ZC3H12B: variants seen among roughly 807,000 people sequenced by gnomAD.
ZC3H12B encodes the protein probable ribonuclease ZC3H12B.
ZC3H12B carries 7 observed loss-of-function variants against 43.9 expected under a neutral mutation model. The ratio of observed to expected loss-of-function variants is 0.16; its 90% CI spans 0.09 to 0.30. The LOEUF (loss-of-function observed/expected upper bound fraction) is 0.30, where lower values mean the gene tolerates loss of function less well. Among genes scored for constraint, ZC3H12B ranks in the 10% least tolerant of loss-of-function variants. The pLI is 1.00. For missense variants in ZC3H12B, 475 were observed against 670.2 expected (o/e 0.71, Z 3.22); for synonymous variants, 222 against 241.7 (o/e 0.92, Z 0.76).
chrX:65,337,357 A>G, the ZC3H12B span, among the ~76,000 whole-genome samples: 2 of 112,515 alleles, frequency 1.8e-5, no homozygotes, highest in Middle Eastern at 4.6e-3. Context: ...TCCATACAGT[A>G]AAGTGAAAGC....
At chrX:65,292,786 A>T in the ZC3H12B span, among the ~76,000 whole-genome samples, 1 of 110,912 alleles carries the variant, frequency 9.0e-6, no homozygotes, top group Non-Finnish European at 1.9e-5. Context: ...GGAGTTTGAG[A>T]CCAGCCTGAG....
At chrX:65,361,787 C>T (rs1431339563), upstream of ZC3H12B, among the ~76,000 whole-genome samples, 2 of 110,962 alleles carry the variant, frequency 1.8e-5, no homozygotes, top group African/African-American at 6.6e-5. Flanking sequence ...TCAAACCCCA[C>T]AACAGGACTT....
the ZC3H12B span, among the ~76,000 whole-genome samples, chrX:65,132,892 C>T: frequency 2.7e-5 from 3 of 111,403 alleles, no homozygotes; most frequent in Non-Finnish European, 3.8e-5. Context: ...GATTGGGCAG[C>T]GTCAGTCTTC....
At chrX:65,100,865 G>A in the ZC3H12B span, among the ~76,000 whole-genome samples, 20 of 111,147 alleles carry the variant, frequency 1.8e-4, no homozygotes, top group Admixed American at 1.4e-3. Flanking sequence ...GGCTATTCAG[G>A]ACTTGAACTC....
chrX:65,345,640 C>A, the ZC3H12B span, among the ~76,000 whole-genome samples: 1 of 110,997 alleles, frequency 9.0e-6, no homozygotes, highest in Non-Finnish European at 1.9e-5. Context: ...AACACATCCC[C>A]ATGACATGAG....
chrX:65,158,425 C>T, the ZC3H12B span, among the ~76,000 whole-genome samples: 5 of 111,601 alleles, frequency 4.5e-5, no homozygotes, highest in Non-Finnish European at 9.4e-5. Context: ...CACATCCTCT[C>T]CAGCACCTGT....
intron 2 of ZC3H12B, among the ~76,000 whole-genome samples, chrX:65,372,113 G>A (rs995442047): frequency 7.2e-5 from 8 of 111,709 alleles, no homozygotes; most frequent in Admixed American, 4.8e-4. Flanking sequence ...AAGCCTATTC[G>A]TTAAAATCAA....
the ZC3H12B span, among the ~76,000 whole-genome samples, chrX:65,200,599 A>T: frequency 2.8e-5 from 3 of 106,791 alleles, no homozygotes; most frequent in Non-Finnish European, 5.8e-5. Flanking sequence ...CACCAGGCTA[A>T]TTTTTTTTGT....
the ZC3H12B span, among the ~76,000 whole-genome samples, chrX:65,197,386 T>C: frequency 8.9e-6 from 1 of 112,352 alleles, no homozygotes; most frequent in East Asian, 2.8e-4. Context: ...ATTATAAATA[T>C]CTGCTAAAAT....
chrX:65,159,852 G>A, the ZC3H12B span, among the ~76,000 whole-genome samples: 6 of 111,718 alleles, frequency 5.4e-5, 1 homozygote, highest in South Asian at 3.7e-4. Context: ...GTTTTCAAAG[G>A]GAATGCTTCC....
chrX:65,148,245 T>A, the ZC3H12B span, among the ~76,000 whole-genome samples: 1 of 109,741 alleles, frequency 9.1e-6, no homozygotes, highest in Non-Finnish European at 1.9e-5. Flanking sequence ...GGCTCTTTGC[T>A]GATCTGAAAT....
the ZC3H12B span, among the ~76,000 whole-genome samples, chrX:65,337,876 C>T: frequency 1.8e-5 from 2 of 112,473 alleles, no homozygotes; most frequent in African/African-American, 6.5e-5. Flanking sequence ...ATCCTTAGTA[C>T]TCACAAGGGG....
the ZC3H12B span, among the ~76,000 whole-genome samples, chrX:65,251,546 C>G: frequency 9.0e-6 from 1 of 111,331 alleles, no homozygotes; most frequent in African/African-American, 3.3e-5. Flanking sequence ...GCCATTTTCA[C>G]GATATTGATT....
intron 3 of ZC3H12B, among the ~76,000 whole-genome samples, chrX:65,416,052 A>G: frequency 9.0e-6 from 1 of 111,705 alleles, no homozygotes; most frequent in Non-Finnish European, 1.9e-5. Flanking sequence ...ACCTTCTTAA[A>G]CAGTAGTCTG....
chrX:65,439,744 G>A (rs760937618), intron 3 of ZC3H12B, among the ~76,000 whole-genome samples: 12 of 111,668 alleles, frequency 1.1e-4, no homozygotes, highest in South Asian at 3.8e-4. Flanking sequence ...TGGTTGTCCC[G>A]CTTTCCTCAG....
chrX:65,120,943 G>T, the ZC3H12B span, among the ~76,000 whole-genome samples: 1 of 111,337 alleles, frequency 9.0e-6, no homozygotes, highest in Non-Finnish European at 1.9e-5. Flanking sequence ...TTTATATGCT[G>T]GATTATGTTT....
chrX:65,147,162 T>C, the ZC3H12B span, among the ~76,000 whole-genome samples: 1 of 112,372 alleles, frequency 8.9e-6, no homozygotes. Flanking sequence ...TCTGCACTTT[T>C]GAAGAAGTGG....
chrX:65,325,443 T>G, the ZC3H12B span, among the ~76,000 whole-genome samples: 2 of 111,733 alleles, frequency 1.8e-5, no homozygotes, highest in Non-Finnish European at 3.8e-5. Flanking sequence ...TAGATTTTCT[T>G]TACATTAACC....
At chrX:65,096,949 G>A in the ZC3H12B span, among the ~76,000 whole-genome samples, 1 of 111,374 alleles carries the variant, frequency 9.0e-6, no homozygotes, top group African/African-American at 3.3e-5. Context: ...AGTGTAAGGG[G>A]ATCCTGAGAC....
Sources: gnomAD v4.1 joint callset for allele counts (sites outside exome capture counted in the v4.1 genomes callset) on GRCh38, gnomAD v4.1.1 for gene constraint, MANE v1.5 for transcripts, NCBI Gene and HGNC (gene_info 2026-07-23, HGNC 2026-07-21) for gene names.